Variants in LRP1B observed in about 807,000 individuals in gnomAD.
The protein encoded by LRP1B is LDL receptor related protein 1B.
LRP1B carries 217 observed loss-of-function variants against 556.6 expected under a neutral mutation model. The ratio of observed to expected loss-of-function variants is 0.39; its 90% CI spans 0.35 to 0.44. LRP1B has a LOEUF of 0.44. Among genes scored for constraint, LRP1B ranks in the 20% least tolerant of loss-of-function variants. The probability of loss-of-function intolerance (pLI) is 1.00; values close to 1 mark genes in which losing one functional copy is unlikely to be tolerated. For synonymous variants in LRP1B, 2,047 were observed against 1,865.8 expected (o/e 1.10, Z -2.50); for missense variants, 5,053 against 5,620.8 (o/e 0.90, Z 3.23).
intron 20 of LRP1B, among the ~76,000 whole-genome samples, chr2:140,925,035 ATAAC>A (rs1370446292): frequency 6.6e-6 from 1 of 152,140 alleles, no homozygotes; most frequent in African/African-American, 2.4e-5. Flanking sequence ...ACAATATAGT[ATAAC>A]TATATCATAT....
At chr2:141,798,507 G>C (rs1249283120) in intron 2 of LRP1B, among the ~76,000 whole-genome samples, 3 of 151,914 alleles carry the variant, frequency 2.0e-5, no homozygotes, top group African/African-American at 7.2e-5. Flanking sequence ...AAGAGATTGA[G>C]ACCATCCTGG....
chr2:140,795,409 C>T (rs1346738891), intron 32 of LRP1B, among the ~76,000 whole-genome samples: 7 of 152,078 alleles, frequency 4.6e-5, no homozygotes. Context: ...AAAATGTGCA[C>T]ATAGTTATGA....
At chr2:141,340,935 G>T (rs1053647583) in intron 3 of LRP1B, among the ~76,000 whole-genome samples, 1 of 149,252 alleles carries the variant, frequency 6.7e-6, no homozygotes. Flanking sequence ...GCACAGATAC[G>T]CAGATAAGTA....
chr2:140,640,503 C>T (rs1291615733), intron 41 of LRP1B, among the ~76,000 whole-genome samples: 1 of 135,864 alleles, frequency 7.4e-6, no homozygotes, highest in East Asian at 2.5e-4. Context: ...TCACGCCATT[C>T]TCCCGCCTCA....
chr2:141,527,109 T>A (rs1380361586), intron 2 of LRP1B, among the ~76,000 whole-genome samples: 1 of 152,062 alleles, frequency 6.6e-6, no homozygotes, highest in Non-Finnish European at 1.5e-5. Flanking sequence ...ATTTCTGTTT[T>A]GTTTTGTTTT....
At chr2:141,331,152 T>C (rs184375071) in intron 3 of LRP1B, among the ~76,000 whole-genome samples, 1 of 152,280 alleles carries the variant, frequency 6.6e-6, no homozygotes, top group East Asian at 1.9e-4. Context: ...GTTTAACGTG[T>C]AGCCTCTTAC....
intron 43 of LRP1B, among the ~76,000 whole-genome samples, chr2:140,568,231 T>A (rs1574088388): frequency 6.9e-6 from 1 of 144,346 alleles, no homozygotes; most frequent in Non-Finnish European, 1.5e-5. Flanking sequence ...GGTAAACAAT[T>A]CAACAAAATC....
rs1292111328 is a variant in LRP1B at position 140,558,631 on chromosome 2, CT to C, written c.7195-16661del. Among the ~76,000 whole-genome samples, 4 of 152,090 alleles carry C rather than the reference CT, an allele frequency of 2.6e-5. No individual in the cohort carries two copies. The East Asian group carries it at 7.8e-4, about 30-fold the overall frequency. ...CTGACAGCTAAGTGGGGAAGGGTTTCTTTTTGGTGTGATAAAAATGTTTTAG... is the reference window on the plus strand; with the variant it reads ...CTGACAGCTAAGTGGGGAAGGGTTTCTTTTGGTGTGATAAAAATGTTTTAG... On this transcript the variant is annotated intron_variant, in intron 43 of 90. Transcript: ENST00000389484.
chr2:140,414,897 T>TCTTGCAGAGAGC (rs1685118202), intron 66 of LRP1B, among the ~76,000 whole-genome samples: 1 of 152,190 alleles, frequency 6.6e-6, no homozygotes, highest in South Asian at 2.1e-4. Context: ...ATATTTTTCT[T>TCTTGCAGAGAGC]CTTGCAGAGA....
At chr2:140,643,753 T>C (rs770553492) in intron 41 of LRP1B, among the ~76,000 whole-genome samples, 1 of 152,210 alleles carries the variant, frequency 6.6e-6, no homozygotes, top group Admixed American at 6.5e-5. Context: ...TAAACTTGAA[T>C]GTACGTAATC....
At chr2:141,809,888 C>A (rs946830605) in intron 2 of LRP1B, among the ~76,000 whole-genome samples, 3 of 151,626 alleles carry the variant, frequency 2.0e-5, no homozygotes, top group African/African-American at 7.3e-5. Flanking sequence ...TGGGGAAGGT[C>A]TTTTCCCTTT....
chr2:141,071,800 A>C (rs1699651607), intron 7 of LRP1B, among the ~76,000 whole-genome samples: 1 of 152,202 alleles, frequency 6.6e-6, no homozygotes. Context: ...CCTACAAGGG[A>C]CGCGAAGGAC....
At chr2:141,636,936 T>G (rs1240802579) in intron 2 of LRP1B, among the ~76,000 whole-genome samples, 1 of 152,064 alleles carries the variant, frequency 6.6e-6, no homozygotes, top group Admixed American at 6.6e-5. Flanking sequence ...CCTGGAAAAA[T>G]ATATTCCAAA....
At chr2:141,113,687 A>T (rs1700810102) in intron 7 of LRP1B, among the ~76,000 whole-genome samples, 1 of 152,070 alleles carries the variant, frequency 6.6e-6, no homozygotes, top group South Asian at 2.1e-4. Flanking sequence ...AAAAATGTAA[A>T]TATTTTACTC....
chr2:142,032,896 G>A lies in LRP1B; in HGVS notation c.82+97752C>T, dbSNP rs570742313. Among the ~76,000 whole-genome samples, 38 of 151,846 alleles carry A rather than the reference G, an allele frequency of 2.5e-4. 1 individual carries two copies. In the South Asian group the frequency reaches 4.2e-3, roughly 17 times the overall value. ...TTGCTAGCTGACTGATGATGTGTCC[G>A]TTACATTTTAACACTATCAGCATGT... On this transcript the variant is annotated intron_variant, in intron 1 of 90. Coordinates refer to ENST00000389484, the MANE Select transcript of LRP1B (RefSeq NM_018557.3).
chr2:140,445,455 T>C (rs377431514), intron 63 of LRP1B, among the ~76,000 whole-genome samples: 144 of 152,236 alleles, frequency 9.5e-4, no homozygotes, highest in African/African-American at 3.4e-3. Flanking sequence ...GCAAATGCTT[T>C]CTATATCTAT....
chr2:141,643,326 T>C lies in LRP1B; in HGVS notation c.206-162793A>G, dbSNP rs189681159. Among the ~76,000 whole-genome samples, 14 of 152,278 alleles carry C rather than the reference T, an allele frequency of 9.2e-5. No individual in the cohort carries two copies. In the East Asian group the frequency reaches 2.5e-3, roughly 27 times the overall value. ...GAAAATTGTATTTCGCCAGGATGTG[T>C]CTTATGGGTTGATTCAGGAAAAGGA... On this transcript the variant is annotated intron_variant, in intron 2 of 90. Transcript: ENST00000389484.
intron 41 of LRP1B, among the ~76,000 whole-genome samples, chr2:140,695,185 C>T (rs1268417812): frequency 6.6e-6 from 1 of 151,488 alleles, no homozygotes; most frequent in Non-Finnish European, 1.5e-5. Flanking sequence ...ACTCACTTCT[C>T]TCTACTGGGT....
At chr2:141,041,683 ATGGTTAACACTAATT>A (rs1409346224) in intron 11 of LRP1B, among the ~76,000 whole-genome samples, 2 of 152,126 alleles carry the variant, frequency 1.3e-5, no homozygotes, top group Non-Finnish European at 2.9e-5. Flanking sequence ...AGGAGTGAAT[ATGGTTAACACTAATT>A]TGGTGTACGT....
Sources: allele counts gnomAD v4.1 joint callset (sites outside exome capture counted in the v4.1 genomes callset), GRCh38; gene constraint gnomAD v4.1.1; transcripts MANE v1.5; gene names NCBI Gene and HGNC (gene_info 2026-07-23, HGNC 2026-07-21).